The following ISM1 variants were observed in gnomAD, a reference collection of about 807,000 sequenced individuals.
The protein encoded by ISM1 is isthmin-1.
A neutral mutation model predicts 46.3 loss-of-function variants in ISM1; 25 were observed. That is an observed-to-expected ratio of 0.54 (90% CI 0.39 to 0.75). ISM1 has a LOEUF of 0.75. ISM1 is among the 30% of genes least tolerant of loss of function. The probability of loss-of-function intolerance (pLI) is 0.00; values close to 1 mark genes in which losing one functional copy is unlikely to be tolerated. For missense variants in ISM1, 536 were observed against 625.4 expected (o/e 0.86, Z 1.52); for synonymous variants, 255 against 256.7 (o/e 0.99, Z 0.06).
At chr20:13,236,902 G>C (rs2039656664) in intron 1 of ISM1, among the ~76,000 whole-genome samples, 1 of 152,220 alleles carries the variant, frequency 6.6e-6, no homozygotes, top group African/African-American at 2.4e-5. Context: ...CCTCCCTCCA[G>C]CTGCTTTCAG....
chr20:13,318,673 G>A, the ISM1 span, among the ~76,000 whole-genome samples: 1 of 152,192 alleles, frequency 6.6e-6, no homozygotes, highest in Non-Finnish European at 1.5e-5. Flanking sequence ...GCTAATAAGT[G>A]CTGGCTATCC....
At chr20:13,248,633 A>T (rs2039829465) in intron 1 of ISM1, among the ~76,000 whole-genome samples, 1 of 152,176 alleles carries the variant, frequency 6.6e-6, no homozygotes, top group African/African-American at 2.4e-5. Flanking sequence ...AAATGTGCTC[A>T]GTTTGTTTTC....
chr20:13,294,454 G>C (rs890907614), intron 5 of ISM1, among the ~76,000 whole-genome samples: 2 of 152,190 alleles, frequency 1.3e-5, no homozygotes, highest in Non-Finnish European at 2.9e-5. Flanking sequence ...GAGACAGAAA[G>C]TTTCTCAGGA....
chr20:13,278,072 G>T (rs975617276), intron 2 of ISM1, among the ~76,000 whole-genome samples: 8 of 152,170 alleles, frequency 5.3e-5, no homozygotes, highest in African/African-American at 1.9e-4. Flanking sequence ...GTACATCTTG[G>T]GTTGATTACT....
At chr20:13,285,177 G>A (rs2040278376) in intron 3 of ISM1, among the ~76,000 whole-genome samples, 1 of 152,164 alleles carries the variant, frequency 6.6e-6, no homozygotes, top group South Asian at 2.1e-4. Flanking sequence ...TGTAGTCCCA[G>A]CTACTCAGGA....
intron 1 of ISM1, among the ~76,000 whole-genome samples, chr20:13,256,039 C>A (rs2123207483): frequency 6.6e-6 from 1 of 151,970 alleles, no homozygotes; most frequent in East Asian, 1.9e-4. Flanking sequence ...AGTAGGAGAG[C>A]ATCAGGCTGG....
At chr20:13,250,760 C>T (rs2039859967) in intron 1 of ISM1, among the ~76,000 whole-genome samples, 1 of 152,220 alleles carries the variant, frequency 6.6e-6, no homozygotes, top group Non-Finnish European at 1.5e-5. Flanking sequence ...TCAGTAATTA[C>T]ATATTGAATG....
Position 13,296,089 on chromosome 20 carries a change from C to T in ISM1, c.878-2853C>T, listed in dbSNP as rs146904586. On this transcript the variant is annotated intron_variant, in intron 5 of 5. Coordinates refer to ENST00000262487, the MANE Select transcript of ISM1 (RefSeq NM_080826.2). ...GCCTCCCTTAATGCACCCCACATTC[C>T]ACCACAGTTGGCTTCCTTAGATATG... 1.4e-3 allele frequency among the ~76,000 whole-genome samples: 211 copies of T among 152,280 alleles called. 1 individual carries two copies. The highest frequency in any genetic ancestry group is 3.4e-3 in the Middle Eastern group (1 of 294).
chr20:13,293,023 C>A (rs1465777838), intron 5 of ISM1, among the ~76,000 whole-genome samples: 3 of 151,802 alleles, frequency 2.0e-5, no homozygotes, highest in Non-Finnish European at 2.9e-5. Flanking sequence ...GGTGAAACCC[C>A]CCCGTCTCTA....
chr20:13,226,865 G>C (rs998845867), intron 1 of ISM1, among the ~76,000 whole-genome samples: 1 of 152,186 alleles, frequency 6.6e-6, no homozygotes, highest in Non-Finnish European at 1.5e-5. Context: ...TAGTGGACAA[G>C]AAATAGTTTC....
chr20:13,304,176 T>G (rs2040481011), downstream of ISM1, among the ~76,000 whole-genome samples: 2 of 152,202 alleles, frequency 1.3e-5, no homozygotes, highest in African/African-American at 4.8e-5. Flanking sequence ...GTCACTCTCC[T>G]CAGCTCTGCT....
intron 1 of ISM1, among the ~76,000 whole-genome samples, chr20:13,259,392 A>G (rs2039963934): frequency 6.6e-6 from 1 of 152,178 alleles, no homozygotes; most frequent in Non-Finnish European, 1.5e-5. Flanking sequence ...ATATGGATAC[A>G]AGCATTTCTT....
the ISM1 span, among the ~76,000 whole-genome samples, chr20:13,320,105 C>A: frequency 6.6e-6 from 1 of 152,152 alleles, no homozygotes. Context: ...CACCAGGGTC[C>A]CCTCCTGTGA....
chr20:13,262,900 G>A (rs1168250309), intron 1 of ISM1, among the ~76,000 whole-genome samples: 2 of 152,158 alleles, frequency 1.3e-5, no homozygotes, highest in African/African-American at 4.8e-5. Flanking sequence ...AAGCCCTAAA[G>A]TAAACATCGT....
At chr20:13,289,604 G>A (rs2040330948) in intron 4 of ISM1, among the ~76,000 whole-genome samples, 1 of 151,962 alleles carries the variant, frequency 6.6e-6, no homozygotes, top group Non-Finnish European at 1.5e-5. Flanking sequence ...GTTGTGAAGA[G>A]AAGAAGAAAG....
intron 1 of ISM1, among the ~76,000 whole-genome samples, chr20:13,255,916 G>T (rs1323196309): frequency 7.7e-6 from 1 of 130,320 alleles, no homozygotes; most frequent in African/African-American, 3.1e-5. Flanking sequence ...ATTTAGTAAA[G>T]TTCCTGGGGT....
At chr20:13,251,183 A>G (rs772653707) in intron 1 of ISM1, among the ~76,000 whole-genome samples, 4 of 152,154 alleles carry the variant, frequency 2.6e-5, no homozygotes, top group Non-Finnish European at 5.9e-5. Context: ...CAGTAGTTGA[A>G]TGGTGAGCAC....
chr20:13,302,947 G>A (rs1449354728), downstream of ISM1, among the ~76,000 whole-genome samples: 2 of 152,176 alleles, frequency 1.3e-5, no homozygotes, highest in Admixed American at 1.3e-4. Context: ...TGTCTTAGTG[G>A]CCAAGAGGGT....
intron 1 of ISM1, among the ~76,000 whole-genome samples, chr20:13,251,722 A>C (rs2039870221): frequency 6.6e-6 from 1 of 152,186 alleles, no homozygotes; most frequent in South Asian, 2.1e-4. Context: ...CTGCTTTCAA[A>C]AGTCAGGATG....
Sources: allele counts gnomAD v4.1 joint callset (sites outside exome capture counted in the v4.1 genomes callset), GRCh38; gene constraint gnomAD v4.1.1; transcripts MANE v1.5; gene names NCBI Gene and HGNC (gene_info 2026-07-23, HGNC 2026-07-21).